CDH12: variants seen among roughly 807,000 people sequenced by gnomAD.
CDH12 encodes cadherin-12.
In CDH12, 41 loss-of-function variants were observed where a neutral mutation model predicts 74.1. The observed-to-expected ratio is 0.55, with a 90% CI of 0.43 to 0.72. CDH12 has a LOEUF of 0.72. CDH12 is among the 30% of genes least tolerant of loss of function. The pLI is 0.00. For missense variants in CDH12, 945 were observed against 977.2 expected, an observed-to-expected ratio of 0.97 and a Z score of 0.44; for synonymous variants, 399 against 355.0, an observed-to-expected ratio of 1.12 and a Z score of -1.39.
intron 5 of CDH12, among the ~76,000 whole-genome samples, chr5:22,027,272 T>A (rs1004993162): frequency 6.6e-5 from 10 of 152,132 alleles, no homozygotes; most frequent in Non-Finnish European, 1.0e-4. Flanking sequence ...GGTCTAAAAT[T>A]CTCTTTTTTG....
chr5:21,824,486 A>G (rs903631905), intron 8 of CDH12, among the ~76,000 whole-genome samples: 12 of 152,064 alleles, frequency 7.9e-5, no homozygotes, highest in African/African-American at 2.7e-4. Flanking sequence ...GGCAGGACTT[A>G]ACATAATGTT....
In CDH12 at chr5:22,390,481, CT is replaced by C. The variant is rs546055990; in HGVS notation, c.-333+14775del. ...ACATATATACATATAATTATTAATA[CT>C]TTTTTTATAAGCATCTCACTTCCAA... On this transcript the variant is annotated intron_variant, in intron 3 of 14. Transcript: ENST00000382254. 2.1e-4 allele frequency among the ~76,000 whole-genome samples: 32 copies of C among 151,756 alleles called. No individual in the cohort carries two copies. In the South Asian group the frequency reaches 2.3e-3, roughly 11 times the overall value.
intron 6 of CDH12, among the ~76,000 whole-genome samples, chr5:21,940,066 AT>A (rs1755262773): frequency 1.3e-5 from 2 of 152,070 alleles, no homozygotes; most frequent in South Asian, 4.2e-4. Context: ...ACTTAAAAAA[AT>A]AAATAAATAA....
chr5:22,338,512 T>A (rs1455532151), intron 3 of CDH12, among the ~76,000 whole-genome samples: 21 of 152,098 alleles, frequency 1.4e-4, no homozygotes. Flanking sequence ...TAATATTTGA[T>A]AGCACAGTAG....
At chr5:22,647,891 T>C (rs990282983) in intron 1 of CDH12, among the ~76,000 whole-genome samples, 3 of 151,950 alleles carry the variant, frequency 2.0e-5, no homozygotes, top group Non-Finnish European at 4.4e-5. Flanking sequence ...CAATATTGTC[T>C]TATAAATGTT....
At chr5:22,156,615 T>G (rs892353303) in intron 4 of CDH12, among the ~76,000 whole-genome samples, 16 of 152,254 alleles carry the variant, frequency 1.1e-4, no homozygotes, top group Non-Finnish European at 2.4e-4. Context: ...AAATACAGTT[T>G]TTACATAAGA....
intron 5 of CDH12, among the ~76,000 whole-genome samples, chr5:22,040,383 A>G (rs6888780): frequency 0.23 from 34,278 of 151,998 alleles, 3,969 homozygotes; most frequent in South Asian, 0.33. Context: ...TAAGGACAGA[A>G]AGCTTATTAT....
chr5:22,300,842 A>G (rs1386914485), intron 3 of CDH12, among the ~76,000 whole-genome samples: 1 of 152,204 alleles, frequency 6.6e-6, no homozygotes, highest in East Asian at 1.9e-4. Context: ...TAGCATTTGT[A>G]ACTTTATCAG....
chr5:22,786,686 A>ATGCCTACAT (rs1747641712), intron 1 of CDH12, among the ~76,000 whole-genome samples: 1 of 151,878 alleles, frequency 6.6e-6, no homozygotes, highest in Non-Finnish European at 1.5e-5. Flanking sequence ...GAGGAAGTCT[A>ATGCCTACAT]TGCCTACATT....
chr5:22,523,814 C>T (rs1402227915), intron 1 of CDH12, among the ~76,000 whole-genome samples: 1 of 151,982 alleles, frequency 6.6e-6, no homozygotes, highest in East Asian at 1.9e-4. Context: ...TAGCATATGG[C>T]CCTGGAATAT....
intron 5 of CDH12, among the ~76,000 whole-genome samples, chr5:22,047,752 C>T (rs1323659999): frequency 3.9e-5 from 6 of 152,182 alleles, no homozygotes; most frequent in Non-Finnish European, 8.8e-5. Context: ...CAACTTCCTA[C>T]TGGTTTCCAT....
intron 8 of CDH12, among the ~76,000 whole-genome samples, chr5:21,830,558 G>A (rs2149966098): frequency 6.6e-6 from 1 of 152,146 alleles, no homozygotes; most frequent in Middle Eastern, 3.4e-3. Flanking sequence ...AATTATCTCT[G>A]GCACATGAGT....
At chr5:22,230,472 A>C (rs1370991238) in intron 3 of CDH12, among the ~76,000 whole-genome samples, 1 of 74,508 alleles carries the variant, frequency 1.3e-5, no homozygotes, top group East Asian at 4.4e-4. Flanking sequence ...GAGATGTCAT[A>C]ATTTTTTTTT....
intron 6 of CDH12, among the ~76,000 whole-genome samples, chr5:21,952,685 G>A (rs192424535): frequency 6.6e-6 from 1 of 152,248 alleles, no homozygotes; most frequent in East Asian, 1.9e-4. Context: ...TCTGTTATTG[G>A]AGGATTCGGT....
Position 21,975,203 on chromosome 5 carries a change from C to T in CDH12, c.414G>A (p.Lys138=), listed in dbSNP as rs570966939. The part of the protein sequence containing the change: ...RAQAVDIETR[K]PLEPESEFII... ...TGAATTCTGATTCAGGCTCCAGGGG[C>T]TTTCTGGTTTCTATGTCCACAGCCT... The change falls in exon 6 of 15, where the codon AAG becomes AAA. Residue 138 remains lysine (K), a synonymous_variant. Coordinates refer to ENST00000382254, the MANE Select transcript of CDH12 (RefSeq NM_004061.5). 1.8e-5 allele frequency: 28 copies of T among 1,597,186 alleles called. No homozygotes were observed. The highest frequency in any genetic ancestry group is 4.5e-4 in the Middle Eastern group (2 of 4,428).
intron 3 of CDH12, among the ~76,000 whole-genome samples, chr5:22,395,250 G>C (rs1391047613): frequency 1.3e-5 from 2 of 152,080 alleles, no homozygotes; most frequent in Non-Finnish European, 2.9e-5. Flanking sequence ...TATGACCATG[G>C]AGGCAGAGAT....
At position 21,760,419 on chromosome 5, in the gene CDH12, T is replaced by C. The variant is rs1744651886; in HGVS notation, c.1633+139A>G. On this transcript the variant is annotated intron_variant, in intron 13 of 14. Transcript: ENST00000382254. ...ATTAAATATTTAATTTACTACTAGG[T>C]ACAGAATATTGCCTTTCTCATGTAA... The C allele has an allele frequency of 4.7e-6, 3 of 638,136 alleles. No homozygotes were observed. In the Admixed American group the frequency reaches 7.7e-5, roughly 16 times the overall value. 39.5% of individuals were successfully genotyped at this position (638,136 alleles called of 1,614,324 possible). A position where few individuals can be genotyped will look rare whatever the true frequency, so the allele number is the denominator to read the frequency against.
intron 3 of CDH12, among the ~76,000 whole-genome samples, chr5:22,230,706 T>G (rs1752353069): frequency 6.6e-6 from 1 of 151,962 alleles, no homozygotes; most frequent in Non-Finnish European, 1.5e-5. Context: ...CTTGACCTCA[T>G]GATCTGCCTG....
intron 5 of CDH12, among the ~76,000 whole-genome samples, chr5:22,032,883 G>C (rs974517495): frequency 1.3e-5 from 2 of 150,734 alleles, no homozygotes; most frequent in Non-Finnish European, 3.0e-5. Context: ...GAACTTCAAG[G>C]TGCAGTGAAG....
Sources: allele counts gnomAD v4.1 joint callset (sites outside exome capture counted in the v4.1 genomes callset), GRCh38; gene constraint gnomAD v4.1.1; transcripts MANE v1.5; gene names NCBI Gene and HGNC (gene_info 2026-07-23, HGNC 2026-07-21).